The following SOS2 variants were observed in gnomAD, a reference collection of about 807,000 sequenced individuals.
SOS2 encodes son of sevenless homolog 2.
Under a neutral mutation model 148.2 loss-of-function variants are expected in SOS2, and 65 were observed. The observed-to-expected ratio is 0.44, with a 90% CI of 0.36 to 0.54. The LOEUF is 0.54. Among genes scored for constraint, SOS2 ranks in the 20% least tolerant of loss-of-function variants. The pLI is 0.00. For synonymous variants in SOS2, 539 were observed against 537.1 expected, an observed-to-expected ratio of 1.00 and a Z score of -0.05; for missense variants, 1,341 against 1,590.2, an observed-to-expected ratio of 0.84 and a Z score of 2.67.
intron 12 of SOS2, 95 bp downstream of exon 12, chr14:50,156,902 TTG>T: frequency 1.5e-6 from 1 of 650,446 alleles, no homozygotes; most frequent in Non-Finnish European, 2.4e-6. Flanking sequence ...CTGAGAGCTT[TTG>T]TGTTAACTAT....
chr14:50,188,641 T>C lies in SOS2; in HGVS notation c.570A>G (p.Glu190=), dbSNP rs778631157. 3 of 1,611,224 alleles carry C rather than the reference T, an allele frequency of 1.9e-6. No homozygotes were observed. Among genetic ancestry groups the C allele is most frequent in the Non-Finnish European group, 1.7e-6 (2 of 1,178,798 alleles). The part of the protein sequence containing the change: ...DIGLVSLCED[E]PSSSGELNYY... Reference sequence around the variant, plus strand: ...AGTTTAATTCACCAGAAGAACTAGGTTCATCTTCACAGAGAGAAACCAAAC... The same window carrying C: ...AGTTTAATTCACCAGAAGAACTAGGCTCATCTTCACAGAGAGAAACCAAAC... Residue 190 remains glutamate, a synonymous_variant, in exon 5 of 23, where the codon GAA becomes GAG. Transcript: ENST00000216373.
chr14:50,160,055 A>T lies in SOS2; in HGVS notation c.1228T>A (p.Leu410Ile), dbSNP rs1214098506. Residue 410 changes from leucine to isoleucine, a missense_variant, in exon 10 of 23, where the codon TTA becomes ATA. Physicochemically the swap from Leu to Ile is conservative, Grantham distance 5. This residue lies in a region of SOS2 where 574 missense variants were observed against 711.1 expected (regional missense o/e 0.81). Transcript: ENST00000216373. ...DPVCPFYSHQ[L>I]RSKHLAIKKM... ...TTGATAGCCAGGTGTTTGCTTCTTAATTGGTGACTATAAAAAGGGCAAACA... is the reference window on the plus strand; with the variant it reads ...TTGATAGCCAGGTGTTTGCTTCTTATTTGGTGACTATAAAAAGGGCAAACA... 2 of 1,613,292 alleles carry T rather than the reference A, an allele frequency of 1.2e-6. No homozygotes were observed. Among genetic ancestry groups the T allele is most frequent in the South Asian group, 2.2e-5 (2 of 91,068 alleles).
At chr14:50,119,126 G>A (rs1883413535) in intron 22 of SOS2, among the ~76,000 whole-genome samples, 1 of 152,140 alleles carries the variant, frequency 6.6e-6, no homozygotes, top group South Asian at 2.1e-4. Flanking sequence ...AATTATAATA[G>A]TAGGTAAGTG....
chr14:50,212,214 GCCTATAAT>G, intron 1 of SOS2, among the ~76,000 whole-genome samples: 1 of 152,344 alleles, frequency 6.6e-6, no homozygotes, highest in Admixed American at 6.5e-5. Context: ...GGTGGCTCGC[GCCTATAAT>G]CCCAGCACTT....
chr14:50,156,907 T>C (rs1437200525), intron 12 of SOS2, 92 bp downstream of exon 12: 2 of 698,834 alleles, frequency 2.9e-6, no homozygotes, highest in Non-Finnish European at 4.5e-6. Context: ...AGCTTTTGTG[T>C]TAACTATATA....
chr14:50,182,014 A>G (rs1377524505), intron 6 of SOS2, among the ~76,000 whole-genome samples: 2 of 151,578 alleles, frequency 1.3e-5, no homozygotes, highest in African/African-American at 4.8e-5. Context: ...AAAAACCTAA[A>G]TGTTACTACT....
chr14:50,188,277 T>C (rs540897790), intron 5 of SOS2, among the ~76,000 whole-genome samples: 5 of 152,186 alleles, frequency 3.3e-5, no homozygotes, highest in African/African-American at 1.2e-4. Flanking sequence ...TGGTGGTGCA[T>C]GCCTCTAATC....
At chr14:50,179,214 G>C (rs1289966521) in intron 7 of SOS2, among the ~76,000 whole-genome samples, 2 of 151,870 alleles carry the variant, frequency 1.3e-5, no homozygotes, top group African/African-American at 4.8e-5. Flanking sequence ...ATAATATAAA[G>C]ACAATTGGCT....
In SOS2 at chr14:50,118,582, G is replaced by C. The variant is rs772587016; in HGVS notation, c.3761C>G (p.Thr1254Arg). 1.1e-5 allele frequency: 18 copies of C among 1,613,994 alleles called. No homozygotes were observed. The highest frequency in any genetic ancestry group is 1.4e-5 in the Non-Finnish European group (17 of 1,180,020). The stretch of plus-strand genomic sequence containing the variant: ...AGGAGTGCTTGGCGAATTTGGACAC[G>C]TACTAATGTCTCTGAGCCAGTCTGA... ...RDSDWLRDIS[T>R]CPNSPSTPPS... The change falls in exon 23 of 23, where the codon ACG (threonine) becomes AGG (arginine). Residue 1254 changes from threonine to arginine, a missense_variant. Coordinates refer to ENST00000216373, the MANE Select transcript of SOS2 (RefSeq NM_006939.4).
At chr14:50,225,397 C>T (rs1485865212) in intron 1 of SOS2, among the ~76,000 whole-genome samples, 1 of 152,102 alleles carries the variant, frequency 6.6e-6, no homozygotes, top group South Asian at 2.1e-4. Flanking sequence ...ATGGTTAATA[C>T]AAAAGACATA....
At chr14:50,221,900 C>G (rs939038973) in intron 1 of SOS2, among the ~76,000 whole-genome samples, 2 of 151,776 alleles carry the variant, frequency 1.3e-5, no homozygotes, top group Non-Finnish European at 2.9e-5. Flanking sequence ...TAGGGAAAAT[C>G]CTTTTAAATT....
At chr14:50,230,318 CAAAG>C (rs1887500474) in intron 1 of SOS2, among the ~76,000 whole-genome samples, 1 of 152,146 alleles carries the variant, frequency 6.6e-6, no homozygotes, top group Non-Finnish European at 1.5e-5. Context: ...GCATTAACGG[CAAAG>C]AAAGAAAGCC....
chr14:50,156,937 ATGTG>A (rs774360388), intron 12 of SOS2, 58 bp downstream of exon 12: 1 of 710,102 alleles, frequency 1.4e-6, no homozygotes, highest in South Asian at 2.2e-5. Context: ...GACACATAAA[ATGTG>A]TGTGTGTGTG....
At chr14:50,211,752 C>A (rs1162118466) in intron 1 of SOS2, among the ~76,000 whole-genome samples, 1 of 152,004 alleles carries the variant, frequency 6.6e-6, no homozygotes, top group Admixed American at 6.6e-5. Context: ...GCCACCATGC[C>A]CAGCCTAGGA....
rs781235783 is a variant in SOS2 at position 50,150,070 on chromosome 14, G to A, written c.2322C>T (p.Leu774=). Reference sequence around the variant, plus strand: ...CAATTTCTATTGGATGAAGTGTCATGAGATCAAATGTTTCAAACTGTCCTG... The same window carrying A: ...CAATTTCTATTGGATGAAGTGTCATAAGATCAAATGTTTCAAACTGTCCTG... ...SKPGQFETFD[L]MTLHPIEIAR... Residue 774 remains leucine (L), a synonymous_variant, in exon 14 of 23, where the codon CTC becomes CTT. Coordinates refer to ENST00000216373, the MANE Select transcript of SOS2 (RefSeq NM_006939.4). The A allele has an allele frequency of 6.2e-7, 1 of 1,614,032 alleles. No individual in the cohort carries two copies. The highest frequency in any genetic ancestry group is 2.2e-5 in the East Asian group (1 of 44,874).
chr14:50,134,755 T>C (rs1431322497), intron 18 of SOS2, among the ~76,000 whole-genome samples: 2 of 152,126 alleles, frequency 1.3e-5, no homozygotes, highest in Non-Finnish European at 2.9e-5. Context: ...AAGTAGTCAT[T>C]TAAATTACTT....
In SOS2 at chr14:50,204,426, T is replaced by A. The variant is rs776823815; in HGVS notation, c.88-17A>T. 6.7e-7 allele frequency: 1 copy of A among 1,492,914 alleles called. No homozygotes were observed. The highest frequency in any genetic ancestry group is 2.3e-5 in the East Asian group (1 of 43,742). The allele number at this position is 1,492,914 out of a possible 1,614,324, so 92.5% of individuals were successfully genotyped here. ...TTCCTGAACCTTTAAAAAAAAGTTA[T>A]CAGTTAAAGTAATGGCAAAATAATA... On this transcript the variant is annotated splice_polypyrimidine_tract_variant and intron_variant, in intron 1 of 22. Transcript: ENST00000216373.
At chr14:50,215,337 C>A in intron 1 of SOS2, 2 of 1,226,072 alleles carry the variant, frequency 1.6e-6, no homozygotes, top group South Asian at 2.7e-5. Flanking sequence ...AATATGAAAA[C>A]AGTCATAAAA....
intron 16 of SOS2, among the ~76,000 whole-genome samples, chr14:50,140,371 C>T (rs1884230025): frequency 6.6e-6 from 1 of 152,138 alleles, no homozygotes; most frequent in East Asian, 1.9e-4. Flanking sequence ...AATTATAACC[C>T]CTGAACATTC....
Sources: gnomAD v4.1 joint callset for allele counts (sites outside exome capture counted in the v4.1 genomes callset) on GRCh38, gnomAD v4.1.1 for gene constraint, gnomAD v4.1.1 regional missense constraint, MANE v1.5 for transcripts, NCBI Gene and HGNC (gene_info 2026-07-23, HGNC 2026-07-21) for gene names.